XIRP2: variants seen among roughly 807,000 people sequenced by gnomAD.
XIRP2 encodes the protein xin actin binding repeat containing 2, also known as xin actin-binding repeat-containing protein 2.
A neutral mutation model predicts 277.0 loss-of-function variants in XIRP2; 236 were observed. The observed-to-expected ratio is 0.85, with a 90% CI of 0.77 to 0.95. The LOEUF is 0.95. Ranked by LOEUF, XIRP2 falls within the 40% of genes least tolerant of loss-of-function variation. The pLI is 0.00. For missense variants in XIRP2, 4,640 were observed against 4,157.5 expected, an observed-to-expected ratio of 1.12 and a Z score of -3.19; for synonymous variants, 1,490 against 1,416.5, an observed-to-expected ratio of 1.05 and a Z score of -1.17.
At chr2:166,939,100 T>G (rs1685614919) in intron 2 of XIRP2, among the ~76,000 whole-genome samples, 1 of 152,216 alleles carries the variant, frequency 6.6e-6, no homozygotes, top group African/African-American at 2.4e-5. Context: ...AATTTAAGGT[T>G]AATATAGTTA....
intron 2 of XIRP2, among the ~76,000 whole-genome samples, chr2:167,058,998 A>G (rs12692854): frequency 0.26 from 39,332 of 151,968 alleles, 5,559 homozygotes; most frequent in Middle Eastern, 0.38. Context: ...GATGGAAAGA[A>G]TATTTAGAAA....
Position 167,258,035 on chromosome 2 carries a change from T to C in XIRP2, c.*218T>C. 6.2e-7 allele frequency: 1 copy of C among 1,612,934 alleles called. No individual in the cohort carries two copies. Among genetic ancestry groups the C allele is most frequent in the Non-Finnish European group, 8.5e-7 (1 of 1,179,466 alleles). ...TATTCCTAATGAAGAACCAAATATG[T>C]GTAAAAATATTGCAGAAAACACCCT... On this transcript the variant is annotated 3_prime_UTR_variant, in exon 11 of 11. Transcript: ENST00000409195.
chr2:166,971,745 AC>A (rs985428035), intron 2 of XIRP2, among the ~76,000 whole-genome samples: 3 of 152,110 alleles, frequency 2.0e-5, no homozygotes, highest in African/African-American at 7.2e-5. Flanking sequence ...TTTGTAGGTA[AC>A]TTAGCTTTTC....
At chr2:167,155,701 C>T (rs13392449) in intron 3 of XIRP2, among the ~76,000 whole-genome samples, 1 of 151,764 alleles carries the variant, frequency 6.6e-6, no homozygotes, top group Admixed American at 6.6e-5. Context: ...CAGGGATGCC[C>T]TCTCTCACCG....
intron 1 of XIRP2, among the ~76,000 whole-genome samples, chr2:166,903,063 C>A (rs1558909090): frequency 6.6e-6 from 1 of 152,026 alleles, no homozygotes; most frequent in East Asian, 1.9e-4. Flanking sequence ...AGGAAATGAA[C>A]CATTTTGCTT....
At chr2:166,927,362 G>A (rs1685215496) in intron 2 of XIRP2, among the ~76,000 whole-genome samples, 3 of 152,060 alleles carry the variant, frequency 2.0e-5, no homozygotes, top group African/African-American at 7.2e-5. Context: ...CTTCCTGGAG[G>A]TCCAAAGTCC....
chr2:167,258,173 A>G lies in XIRP2; in HGVS notation c.*356A>G. On this transcript the variant is annotated 3_prime_UTR_variant, in exon 11 of 11. Coordinates refer to ENST00000409195, the MANE Select transcript of XIRP2 (RefSeq NM_152381.6). ...ATTAAAAGTCATTTGGCCTCCTTCC[A>G]AGGAGATCCCTAAGAAAACCTTACC... is the stretch of plus-strand genomic sequence containing the variant. The G allele has an allele frequency of 6.2e-7, 1 of 1,613,064 alleles. No homozygotes were observed.
chr2:166,987,293 A>C (rs1687032271), intron 2 of XIRP2, among the ~76,000 whole-genome samples: 1 of 152,194 alleles, frequency 6.6e-6, no homozygotes, highest in Non-Finnish European at 1.5e-5. Flanking sequence ...CTAGATATAG[A>C]GTAAACTAAG....
At chr2:167,180,215 T>G (rs1425745954) in intron 3 of XIRP2, among the ~76,000 whole-genome samples, 1 of 152,196 alleles carries the variant, frequency 6.6e-6, no homozygotes, top group African/African-American at 2.4e-5. Context: ...CTTGAGCCTT[T>G]GGTTTTGTCA....
chr2:167,045,263 A>G (rs2105525998), intron 2 of XIRP2, among the ~76,000 whole-genome samples: 1 of 152,166 alleles, frequency 6.6e-6, no homozygotes, highest in East Asian at 1.9e-4. Context: ...AAGATGACTT[A>G]AAGACTTAAG....
At chr2:167,048,261 GTTGTTCTGCAAAAC>G (rs1373019295) in intron 2 of XIRP2, among the ~76,000 whole-genome samples, 8 of 151,682 alleles carry the variant, frequency 5.3e-5, no homozygotes, top group South Asian at 2.1e-4. Context: ...CTATTTTTCA[GTTGTTCTGCAAAAC>G]TTGTTCTGCA....
At chr2:167,148,054 A>G (rs1321860006) in intron 3 of XIRP2, among the ~76,000 whole-genome samples, 3 of 152,122 alleles carry the variant, frequency 2.0e-5, no homozygotes, top group Non-Finnish European at 2.9e-5. Context: ...AAACTACTAG[A>G]CAAAAAATAG....
rs78651105 is a variant in XIRP2 at position 166,934,861 on chromosome 2, T to A, written c.408+30971T>A. Among the ~76,000 whole-genome samples the A allele has an allele frequency of 2.2e-3, 270 of 122,384 alleles. 3 individuals are homozygous for A. The highest frequency in any genetic ancestry group is 0.016 in the South Asian group (57 of 3,532). The allele number at this position is 122,384 out of a possible 152,430, so 80.3% of individuals were successfully genotyped here. On this transcript the variant is annotated intron_variant, in intron 2 of 10. Transcript: ENST00000409195. Reference sequence around the variant, plus strand: ...GTCTCTACTAAAAATAAAAAAAAAATTTTTTAAAAAAGAAAAATAATTAAC... The same window carrying A: ...GTCTCTACTAAAAATAAAAAAAAAAATTTTTAAAAAAGAAAAATAATTAAC...
At chr2:167,222,988 A>G (rs1694476886) in intron 5 of XIRP2, among the ~76,000 whole-genome samples, 1 of 152,208 alleles carries the variant, frequency 6.6e-6, no homozygotes, top group Non-Finnish European at 1.5e-5. Flanking sequence ...CAGGGTCACC[A>G]CAATCTAATT....
At chr2:167,115,100 G>A (rs1690861517) in intron 2 of XIRP2, among the ~76,000 whole-genome samples, 1 of 152,130 alleles carries the variant, frequency 6.6e-6, no homozygotes, top group Non-Finnish European at 1.5e-5. Flanking sequence ...ATCCTCTCCA[G>A]CACCTGTTGT....
At chr2:167,092,770 G>C (rs1690182947) in intron 2 of XIRP2, among the ~76,000 whole-genome samples, 1 of 151,958 alleles carries the variant, frequency 6.6e-6, no homozygotes, top group African/African-American at 2.4e-5. Flanking sequence ...GATACATAGT[G>C]GTCAAAACTG....
chr2:167,193,847 C>T (rs1444117521), intron 3 of XIRP2, among the ~76,000 whole-genome samples: 3 of 137,820 alleles, frequency 2.2e-5, no homozygotes, highest in Non-Finnish European at 3.1e-5. Flanking sequence ...CACTACACTC[C>T]AGCCTGGGTG....
intron 2 of XIRP2, among the ~76,000 whole-genome samples, chr2:167,015,230 G>A (rs566173747): frequency 3.3e-4 from 50 of 151,696 alleles, no homozygotes; most frequent in Middle Eastern, 3.4e-3. Flanking sequence ...TAAACATAGC[G>A]TTAAAATATT....
intron 2 of XIRP2, among the ~76,000 whole-genome samples, chr2:167,127,946 G>A (rs935710021): frequency 5.9e-5 from 9 of 152,200 alleles, no homozygotes; most frequent in Non-Finnish European, 1.0e-4. Context: ...AGGGCATGGC[G>A]TGTGCTGGAT....
Sources: gnomAD v4.1 joint callset for allele counts (sites outside exome capture counted in the v4.1 genomes callset) on GRCh38, gnomAD v4.1.1 for gene constraint, MANE v1.5 for transcripts, NCBI Gene and HGNC (gene_info 2026-07-23, HGNC 2026-07-21) for gene names.